The following OLFML1 variants were observed in gnomAD, a reference collection of about 807,000 sequenced individuals.
OLFML1 encodes olfactomedin-like protein 1.
Under a neutral mutation model 37.3 loss-of-function variants are expected in OLFML1, and 33 were observed. That is an observed-to-expected ratio of 0.88 (90% CI 0.67 to 1.18). OLFML1 has a LOEUF of 1.18. Among genes scored for constraint, OLFML1 ranks in the 50% most tolerant of loss-of-function variants. OLFML1 has a pLI of 0.00. For missense variants in OLFML1, 545 were observed against 483.7 expected (o/e 1.13, Z -1.19); for synonymous variants, 186 against 181.3 (o/e 1.03, Z -0.21).
chr11:7,486,069 T>C (rs1025501601), intron 1 of OLFML1, 65 bp downstream of exon 1: 1 of 1,474,054 alleles, frequency 6.8e-7, no homozygotes, highest in Middle Eastern at 1.8e-4. Flanking sequence ...TTTTTACCCA[T>C]GCTTCTCTAT....
chr11:7,502,718 GC>G (rs1848738001), intron 2 of OLFML1, among the ~76,000 whole-genome samples: 3 of 151,696 alleles, frequency 2.0e-5, no homozygotes, highest in Non-Finnish European at 1.5e-5. Flanking sequence ...CAATTCTCCT[GC>G]CTTAGCCTCC....
intron 2 of OLFML1, among the ~76,000 whole-genome samples, chr11:7,490,660 A>G (rs1474340526): frequency 6.6e-6 from 1 of 152,078 alleles, no homozygotes; most frequent in South Asian, 2.1e-4. Flanking sequence ...TTATTTCTGA[A>G]CCTATCAGAG....
At chr11:7,487,484 C>T (rs940554562) in intron 1 of OLFML1, among the ~76,000 whole-genome samples, 9 of 152,220 alleles carry the variant, frequency 5.9e-5, no homozygotes, top group Non-Finnish European at 1.3e-4. Context: ...AGTAGACATT[C>T]TCTTTGACCA....
At chr11:7,497,580 A>C (rs1294991737) in intron 2 of OLFML1, among the ~76,000 whole-genome samples, 1 of 152,180 alleles carries the variant, frequency 6.6e-6, no homozygotes, top group Non-Finnish European at 1.5e-5. Flanking sequence ...ACATCTTCCC[A>C]GCTTCCACAC....
In OLFML1 at chr11:7,509,702, G is replaced by A; in HGVS notation, c.723G>A (p.Leu241=). The A allele has an allele frequency of 6.2e-7, 1 of 1,614,218 alleles. No homozygotes were observed. Among genetic ancestry groups the A allele is most frequent in the Non-Finnish European group, 8.5e-7 (1 of 1,180,030 alleles). Residue 241 remains leucine, a synonymous_variant, in exon 3 of 3, where the codon CTG becomes CTA. Transcript: ENST00000329293. ...ATSNEIIKYN[L]QKRTVEDRML... is the part of the protein sequence containing the mutation. The stretch of plus-strand genomic sequence containing the variant: ...CTAATGAGATAATCAAATATAACCT[G>A]CAGAAGAGGACTGTGGAAGATCGAA...
chr11:7,485,967 T>A lies in OLFML1; in HGVS notation c.92T>A (p.Met31Lys). 6.2e-7 allele frequency: 1 copy of A among 1,614,098 alleles called. No individual in the cohort carries two copies. The highest frequency in any genetic ancestry group is 8.5e-7 in the Non-Finnish European group (1 of 1,179,992). ...PPPQCTQDPA[M>K]VHYIYQRFRV... ...CCGCAGTGTACCCAGGACCCAGCCA[T>A]GGTGCATTACATCTACCAGCGCTTT... The change falls in exon 1 of 3, where the codon ATG becomes AAG. Residue 31 changes from methionine to lysine, a missense_variant. Coordinates refer to ENST00000329293, the MANE Select transcript of OLFML1 (RefSeq NM_198474.4).
intron 2 of OLFML1, among the ~76,000 whole-genome samples, chr11:7,501,412 C>T (rs1245886889): frequency 6.6e-6 from 1 of 152,216 alleles, no homozygotes; most frequent in African/African-American, 2.4e-5. Context: ...AATGTTGACC[C>T]AGAGGCCACA....
intron 2 of OLFML1, among the ~76,000 whole-genome samples, chr11:7,494,871 A>G (rs1848642071): frequency 6.6e-6 from 1 of 152,178 alleles, no homozygotes; most frequent in African/African-American, 2.4e-5. Flanking sequence ...CTATTTGATG[A>G]TGATTCCTAC....
At chr11:7,489,297 T>G (rs1848567665) in intron 2 of OLFML1, among the ~76,000 whole-genome samples, 1 of 152,132 alleles carries the variant, frequency 6.6e-6, no homozygotes, top group African/African-American at 2.4e-5. Context: ...AGGTGACACT[T>G]GGTCTCAGTT....
intron 1 of OLFML1, 127 bp downstream of exon 1, chr11:7,486,131 A>G (rs993732472): frequency 3.3e-6 from 3 of 913,590 alleles, no homozygotes; most frequent in African/African-American, 1.7e-5. Flanking sequence ...CCAAAGTTAC[A>G]CTTTAAAATG....
intron 2 of OLFML1, among the ~76,000 whole-genome samples, chr11:7,489,322 T>C: frequency 6.6e-6 from 1 of 152,136 alleles, no homozygotes; most frequent in Middle Eastern, 3.4e-3. Context: ...ACAAAGAAGT[T>C]AGAAACGAAT....
intron 2 of OLFML1, among the ~76,000 whole-genome samples, chr11:7,501,955 C>T (rs773697847): frequency 3.3e-5 from 5 of 151,876 alleles, no homozygotes; most frequent in Admixed American, 6.6e-5. Flanking sequence ...GAGAGAAGGA[C>T]GATGAGCTAG....
chr11:7,489,708 A>G (rs1328939736), intron 2 of OLFML1, among the ~76,000 whole-genome samples: 1 of 152,170 alleles, frequency 6.6e-6, no homozygotes, highest in Non-Finnish European at 1.5e-5. Flanking sequence ...GCCATTGAGA[A>G]TTGGAATCCA....
At chr11:7,495,040 T>TCA (rs748979069) in intron 2 of OLFML1, among the ~76,000 whole-genome samples, 10 of 152,140 alleles carry the variant, frequency 6.6e-5, no homozygotes, top group Admixed American at 5.9e-4. Flanking sequence ...AACAGAATAG[T>TCA]CACACACACA....
Position 7,509,764 on chromosome 11 carries a change from A to G in OLFML1, c.785A>G (p.Tyr262Cys), listed in dbSNP as rs1848835063. Residue 262 changes from tyrosine to cysteine, a missense_variant, in exon 3 of 3, where the codon TAC becomes TGC. Coordinates refer to ENST00000329293, the MANE Select transcript of OLFML1 (RefSeq NM_198474.4). ...LPGGVGRALVYQHSPSTYIDL... is the reference protein window; with the variant it reads ...LPGGVGRALVCQHSPSTYIDL... ...GGAGGGGTAGGCCGAGCATTGGTTT[A>G]CCAGCACTCCCCCTCAACTTACATT... The G allele has an allele frequency of 6.2e-7, 1 of 1,614,134 alleles. No individual in the cohort carries two copies. The highest frequency in any genetic ancestry group is 8.5e-7 in the Non-Finnish European group (1 of 1,180,048).
At chr11:7,496,578 C>G (rs1324727659) in intron 2 of OLFML1, among the ~76,000 whole-genome samples, 1 of 152,094 alleles carries the variant, frequency 6.6e-6, no homozygotes, top group African/African-American at 2.4e-5. Flanking sequence ...AGATGTACTT[C>G]ACAGGAAGAA....
At chr11:7,496,056 T>A (rs1015301543) in intron 2 of OLFML1, among the ~76,000 whole-genome samples, 2 of 152,226 alleles carry the variant, frequency 1.3e-5, no homozygotes, top group Admixed American at 1.3e-4. Context: ...CAGGGGTCCA[T>A]AGGGTGGCTG....
intron 2 of OLFML1, among the ~76,000 whole-genome samples, chr11:7,505,368 C>T (rs1259950251): frequency 2.6e-5 from 4 of 152,108 alleles, no homozygotes; most frequent in Non-Finnish European, 4.4e-5. Context: ...GGAGGCCCAG[C>T]ATTCCTATGC....
chr11:7,486,830 T>G (rs1360513638), intron 1 of OLFML1, among the ~76,000 whole-genome samples: 3 of 152,248 alleles, frequency 2.0e-5, no homozygotes, highest in Non-Finnish European at 4.4e-5. Flanking sequence ...CATGTCCAAA[T>G]TATATGTTCT....
Sources: allele counts gnomAD v4.1 joint callset (sites outside exome capture counted in the v4.1 genomes callset), GRCh38; gene constraint gnomAD v4.1.1; transcripts MANE v1.5; gene names NCBI Gene and HGNC (gene_info 2026-07-23, HGNC 2026-07-21).